Variants in IKZF2 observed in about 807,000 individuals in gnomAD.
The protein encoded by IKZF2 is IKAROS family zinc finger 2, also known as zinc finger protein Helios.
IKZF2 carries 15 observed loss-of-function variants against 49.2 expected under a neutral mutation model. The ratio of observed to expected loss-of-function variants is 0.30; its 90% CI spans 0.20 to 0.47. The LOEUF is 0.47. IKZF2 is among the 20% of genes least tolerant of loss of function. The pLI is 1.00. For missense variants in IKZF2, 567 were observed against 664.6 expected (o/e 0.85, Z 1.61); for synonymous variants, 227 against 221.4 (o/e 1.03, Z -0.23).
intron 4 of IKZF2, among the ~76,000 whole-genome samples, chr2:213,091,092 G>C (rs765357044): frequency 6.6e-6 from 1 of 152,036 alleles, no homozygotes; most frequent in Non-Finnish European, 1.5e-5. Context: ...GACCAGAGAC[G>C]GGCTAATTTT....
intron 6 of IKZF2, 97 bp from the exon 7 acceptor site, chr2:213,022,227 A>G (rs1697308285): frequency 8.4e-7 from 1 of 1,191,924 alleles, no homozygotes; most frequent in Non-Finnish European, 1.1e-6. Context: ...AAGCACTCAT[A>G]TAATTTTCAG....
chr2:213,021,782 T>C (rs1697248185), intron 7 of IKZF2: 1 of 606,640 alleles, frequency 1.6e-6, no homozygotes, highest in South Asian at 1.8e-5. Context: ...GAAAGGTTGG[T>C]TGTCATTATT....
At chr2:213,040,048 T>A (rs6718454) in intron 6 of IKZF2, among the ~76,000 whole-genome samples, 3,700 of 152,236 alleles carry the variant, frequency 0.024, 74 homozygotes, top group African/African-American at 0.058. Context: ...CAAATGTATT[T>A]GGATGATTCC....
intron 4 of IKZF2, among the ~76,000 whole-genome samples, chr2:213,111,707 T>C (rs1258912295): frequency 6.6e-6 from 1 of 152,142 alleles, no homozygotes; most frequent in Non-Finnish European, 1.5e-5. Flanking sequence ...TGGACTCACA[T>C]ACATACATTT....
chr2:213,065,293 G>A (rs756150442), intron 4 of IKZF2, among the ~76,000 whole-genome samples: 2 of 151,862 alleles, frequency 1.3e-5, no homozygotes, highest in Non-Finnish European at 2.9e-5. Context: ...TTACATTACA[G>A]TGATTTCATC....
At chr2:213,106,711 C>A (rs2059544160) in intron 4 of IKZF2, among the ~76,000 whole-genome samples, 1 of 151,378 alleles carries the variant, frequency 6.6e-6, no homozygotes, top group African/African-American at 2.4e-5. Context: ...TTTTCCATTT[C>A]TGAGACTAAA....
chr2:213,021,897 T>C, intron 7 of IKZF2, 96 bp downstream of exon 7: 1 of 1,297,516 alleles, frequency 7.7e-7, no homozygotes, highest in Non-Finnish European at 1.1e-6. Context: ...GTTAAAGTGA[T>C]CTAAAATAGT....
chr2:213,149,881 G>C (rs1328363348), intron 2 of IKZF2, among the ~76,000 whole-genome samples: 1 of 150,902 alleles, frequency 6.6e-6, no homozygotes. Flanking sequence ...CTGCTGTACT[G>C]TTATCACATT....
intron 4 of IKZF2, among the ~76,000 whole-genome samples, chr2:213,102,239 C>T (rs1043024128): frequency 6.6e-6 from 1 of 152,058 alleles, no homozygotes; most frequent in East Asian, 1.9e-4. Flanking sequence ...ACTTTCTGTA[C>T]CCGGGAAAAC....
At chr2:213,040,448 A>G (rs559127380) in intron 6 of IKZF2, among the ~76,000 whole-genome samples, 3 of 152,058 alleles carry the variant, frequency 2.0e-5, no homozygotes, top group Non-Finnish European at 4.4e-5. Context: ...ACACACATAT[A>G]TGTTTCTCAT....
At chr2:213,111,647 T>C (rs1214503649) in intron 4 of IKZF2, among the ~76,000 whole-genome samples, 3 of 152,136 alleles carry the variant, frequency 2.0e-5, no homozygotes, top group Admixed American at 2.0e-4. Context: ...ACCTAGTTTC[T>C]GAAATTACTG....
At chr2:213,148,809 ACT>A (rs1408136968) in intron 2 of IKZF2, among the ~76,000 whole-genome samples, 165 bp from the exon 3 acceptor site, 1 of 152,178 alleles carries the variant, frequency 6.6e-6, no homozygotes, top group Admixed American at 6.5e-5. Context: ...AAGTCACTGA[ACT>A]CTTTCTGCAA....
intron 4 of IKZF2, among the ~76,000 whole-genome samples, chr2:213,061,134 A>C (rs1297097560): frequency 6.6e-6 from 1 of 151,628 alleles, no homozygotes; most frequent in Non-Finnish European, 1.5e-5. Context: ...ACTTGCACAG[A>C]TACTCTTTTT....
At chr2:213,025,268 T>C (rs907530942) in intron 6 of IKZF2, among the ~76,000 whole-genome samples, 3 of 152,166 alleles carry the variant, frequency 2.0e-5, no homozygotes, top group Non-Finnish European at 4.4e-5. Flanking sequence ...TACAATGTTC[T>C]CCCTCTTTGC....
intron 4 of IKZF2, among the ~76,000 whole-genome samples, chr2:213,123,370 G>A (rs893016400): frequency 3.3e-5 from 5 of 152,142 alleles, no homozygotes. Flanking sequence ...AGTCAAAATT[G>A]TATATGTAAA....
intron 6 of IKZF2, among the ~76,000 whole-genome samples, chr2:213,047,840 A>G (rs955942041): frequency 6.6e-6 from 1 of 152,046 alleles, no homozygotes; most frequent in Admixed American, 6.6e-5. Context: ...GAAAGACAGG[A>G]CCACCGAAGA....
At chr2:213,056,566 CT>C in intron 5 of IKZF2, 1 of 559,128 alleles carries the variant, frequency 1.8e-6, no homozygotes, top group Non-Finnish European at 3.2e-6. Flanking sequence ...TCTCCTATAC[CT>C]TTTGAACCCT....
At chr2:213,030,824 T>G (rs2125177927) in intron 6 of IKZF2, among the ~76,000 whole-genome samples, 1 of 150,666 alleles carries the variant, frequency 6.6e-6, no homozygotes. Context: ...TTTTTTTTTT[T>G]TTTTGTTTGG....
chr2:213,116,800 C>G (rs547437254), intron 4 of IKZF2, among the ~76,000 whole-genome samples: 63 of 152,310 alleles, frequency 4.1e-4, no homozygotes, highest in African/African-American at 1.5e-3. Context: ...ACAATTATGA[C>G]TGCTTTAGCC....
Sources: allele counts gnomAD v4.1 joint callset (sites outside exome capture counted in the v4.1 genomes callset), GRCh38; gene constraint gnomAD v4.1.1; transcripts MANE v1.5; gene names NCBI Gene and HGNC (gene_info 2026-07-23, HGNC 2026-07-21).